The following STX8 variants were observed in gnomAD, a reference collection of about 807,000 sequenced individuals.
The protein encoded by STX8 is syntaxin-8.
Under a neutral mutation model 37.5 loss-of-function variants are expected in STX8, and 23 were observed. The ratio of observed to expected loss-of-function variants is 0.61; its 90% confidence interval spans 0.44 to 0.87. The LOEUF (loss-of-function observed/expected upper bound fraction) is 0.87, where lower values mean the gene tolerates loss of function less well. Among genes scored for constraint, STX8 ranks in the 40% least tolerant of loss-of-function variants. STX8 has a pLI of 0.00. For missense variants in STX8, 313 were observed against 284.7 expected (o/e 1.10, Z -0.71); for synonymous variants, 115 against 99.1 (o/e 1.16, Z -0.95).
intron 4 of STX8, among the ~76,000 whole-genome samples, chr17:9,536,293 G>A (rs1906049460): frequency 6.6e-6 from 1 of 152,142 alleles, no homozygotes; most frequent in African/African-American, 2.4e-5. Flanking sequence ...CACTCGGAAG[G>A]GAAAGCCGAC....
chr17:9,309,388 G>A (rs1909114129), intron 7 of STX8, among the ~76,000 whole-genome samples: 1 of 152,110 alleles, frequency 6.6e-6, no homozygotes, highest in South Asian at 2.1e-4. Context: ...CTTCTTGAAA[G>A]GCTCACACAA....
chr17:9,360,126 G>A (rs1477559518), intron 7 of STX8, among the ~76,000 whole-genome samples: 1 of 151,364 alleles, frequency 6.6e-6, no homozygotes, highest in East Asian at 1.9e-4. Context: ...TTTTAACCTT[G>A]CCATAATTTA....
intron 6 of STX8, among the ~76,000 whole-genome samples, chr17:9,470,547 G>A (rs1291059242): frequency 1.3e-5 from 2 of 152,172 alleles, no homozygotes; most frequent in African/African-American, 2.4e-5. Flanking sequence ...TGTCTTAAGC[G>A]GCTTTCACCT....
rs35673905 is a variant in STX8, at chr17:9,304,507, C to CAA, written c.644-53864_644-53863dup. On this transcript the variant is annotated intron_variant, in intron 7 of 7. Transcript: ENST00000306357. Reference sequence around the variant, plus strand: ...CTGGGCAACAAGAGCGAAACTGTCTCAAAAAAAAAAAAAAAAAAAAAAGAA... The same window carrying CAA: ...CTGGGCAACAAGAGCGAAACTGTCTCAAAAAAAAAAAAAAAAAAAAAAAAGAA... 9.9e-3 allele frequency among the ~76,000 whole-genome samples: 549 copies of CAA among 55,640 alleles called. 2 individuals are homozygous for CAA. The highest frequency in any genetic ancestry group is 0.023 in the Middle Eastern group (3 of 132). The allele number at this position is 55,640 out of a possible 152,430, so 36.5% of individuals were successfully genotyped here. A position where few individuals can be genotyped will look rare whatever the true frequency, so the allele number is the denominator to read the frequency against.
At chr17:9,270,765 A>G (rs35306109) in intron 7 of STX8, among the ~76,000 whole-genome samples, 11,783 of 152,318 alleles carry the variant, frequency 0.077, 551 homozygotes, top group East Asian at 0.16. Context: ...CAGTAAAGTA[A>G]GTCCAGTTGG....
At chr17:9,321,702 T>A (rs1466781691) in intron 7 of STX8, among the ~76,000 whole-genome samples, 3 of 151,884 alleles carry the variant, frequency 2.0e-5, no homozygotes, top group African/African-American at 7.2e-5. Flanking sequence ...ATATCTTTAG[T>A]AGAGACGGGG....
chr17:9,445,370 T>TA (rs927093899), intron 6 of STX8, among the ~76,000 whole-genome samples: 38 of 151,028 alleles, frequency 2.5e-4, no homozygotes, highest in Non-Finnish European at 3.7e-4. Flanking sequence ...GTTTGTTTGG[T>TA]AAAAAACAAA....
In STX8 at chr17:9,311,689, C is replaced by T. The variant is rs148102526; in HGVS notation, c.644-61044G>A. Among the ~76,000 whole-genome samples the T allele has an allele frequency of 7.2e-3, 1,093 of 152,248 alleles. 6 individuals carry two copies. Among genetic ancestry groups the T allele is most frequent in the Middle Eastern group, 0.044 (13 of 294 alleles). Reference sequence around the variant, plus strand: ...TGTGGCCTTGGGTAAATCACTGAACCTTTCTGTGCTTCAGTTTCTTCATCT... The same window carrying T: ...TGTGGCCTTGGGTAAATCACTGAACTTTTCTGTGCTTCAGTTTCTTCATCT... On this transcript the variant is annotated intron_variant, in intron 7 of 7. Coordinates refer to ENST00000306357, the MANE Select transcript of STX8 (RefSeq NM_004853.3).
In STX8 at chr17:9,538,329, G is replaced by A. The variant is rs142733604; in HGVS notation, c.323+6843C>T. ...TCTTCTAGAAGAGTAGGTTGGTCAC[G>A]TGGTAACAACATTAAGCAATGTGAA... On this transcript the variant is annotated intron_variant, in intron 4 of 7. Coordinates refer to ENST00000306357, the MANE Select transcript of STX8 (RefSeq NM_004853.3). 5.4e-4 allele frequency among the ~76,000 whole-genome samples: 82 copies of A among 152,308 alleles called. No individual in the cohort carries two copies. In the East Asian group the frequency reaches 0.013, roughly 23 times the overall value.
intron 7 of STX8, among the ~76,000 whole-genome samples, chr17:9,271,862 C>T (rs912087152): frequency 6.6e-6 from 1 of 152,056 alleles, no homozygotes; most frequent in African/African-American, 2.4e-5. Flanking sequence ...ATTCTTCACA[C>T]CATACAATAA....
intron 4 of STX8, among the ~76,000 whole-genome samples, chr17:9,536,274 G>A (rs942407389): frequency 1.4e-4 from 21 of 152,112 alleles, no homozygotes; most frequent in African/African-American, 4.8e-4. Context: ...CTGAGACCAC[G>A]AGAGGAGTCA....
At chr17:9,411,665 G>A (rs1001005405) in intron 6 of STX8, among the ~76,000 whole-genome samples, 1 of 152,140 alleles carries the variant, frequency 6.6e-6, no homozygotes, top group Non-Finnish European at 1.5e-5. Flanking sequence ...TCCTCACTAG[G>A]TTCCATTTCT....
chr17:9,254,917 G>C (rs993613435), intron 7 of STX8, among the ~76,000 whole-genome samples: 1 of 152,172 alleles, frequency 6.6e-6, no homozygotes, highest in Non-Finnish European at 1.5e-5. Context: ...GATAAGAAGA[G>C]TCAAGAGAGG....
chr17:9,507,678 T>C lies in STX8; in HGVS notation c.324-2516A>G, dbSNP rs1455344040. The stretch of plus-strand genomic sequence containing the variant: ...CAACCCCAGCAAGTGAGACCCCAAG[T>C]TGGACAACCCACCATGTGAACGCAT... On this transcript the variant is annotated intron_variant, in intron 4 of 7. Transcript: ENST00000306357. This position sits in a 1 kb window ranked among gnomAD's most constrained non-coding sequence, Gnocchi z 4.0. Among the ~76,000 whole-genome samples, 1 of 152,132 alleles carries C rather than the reference T, an allele frequency of 6.6e-6. No homozygotes were observed. Among genetic ancestry groups the C allele is most frequent in the Non-Finnish European group, 1.5e-5 (1 of 68,022 alleles).
At chr17:9,423,697 T>TA (rs1277103081) in intron 6 of STX8, among the ~76,000 whole-genome samples, 4 of 152,350 alleles carry the variant, frequency 2.6e-5, no homozygotes, top group South Asian at 2.1e-4. Context: ...TATGTCTTTT[T>TA]ATGAGCTTTC....
intron 7 of STX8, among the ~76,000 whole-genome samples, chr17:9,270,662 G>T (rs1907422438): frequency 6.6e-6 from 1 of 152,160 alleles, no homozygotes; most frequent in Non-Finnish European, 1.5e-5. Flanking sequence ...AGAAATGAAT[G>T]AATGAGTGAA....
intron 6 of STX8, among the ~76,000 whole-genome samples, chr17:9,403,761 C>T (rs1002239802): frequency 1.3e-5 from 2 of 152,060 alleles, no homozygotes; most frequent in Admixed American, 6.6e-5. Context: ...ATTCTCCTGC[C>T]TCAGCCTCCC....
intron 7 of STX8, among the ~76,000 whole-genome samples, chr17:9,286,820 G>T (rs1218646339): frequency 1.3e-5 from 2 of 152,126 alleles, no homozygotes; most frequent in Non-Finnish European, 2.9e-5. Flanking sequence ...CAGAAAAAGG[G>T]TGGCGTGGTA....
At chr17:9,380,709 CTTTTTTT>C (rs776433325) in intron 6 of STX8, among the ~76,000 whole-genome samples, 2 of 98,524 alleles carry the variant, frequency 2.0e-5, no homozygotes, top group Non-Finnish European at 3.7e-5. Context: ...GATACAGAAA[CTTTTTTT>C]TTTTTTTTTT....
Sources: allele counts gnomAD v4.1 joint callset (sites outside exome capture counted in the v4.1 genomes callset), GRCh38; gene constraint gnomAD v4.1.1; non-coding constraint Gnocchi (gnomAD v3.1); transcripts MANE v1.5; gene names NCBI Gene and HGNC (gene_info 2026-07-23, HGNC 2026-07-21).